SOX6: variants seen among roughly 807,000 people sequenced by gnomAD.
SOX6 encodes the protein SRY-box transcription factor 6.
SOX6 carries 11 observed loss-of-function variants against 97.8 expected under a neutral mutation model. The ratio of observed to expected loss-of-function variants is 0.11; its 90% CI spans 0.07 to 0.19. SOX6 has a LOEUF of 0.19. Ranked by LOEUF, SOX6 falls within the 10% of genes least tolerant of loss-of-function variation. SOX6 has a pLI of 1.00. For synonymous variants in SOX6, 360 were observed against 371.4 expected, an observed-to-expected ratio of 0.97 and a Z score of 0.35; for missense variants, 810 against 1,039.5, an observed-to-expected ratio of 0.78 and a Z score of 3.04.
At chr11:16,058,000 T>G (rs1349582078) in intron 9 of SOX6, among the ~76,000 whole-genome samples, 1 of 152,128 alleles carries the variant, frequency 6.6e-6, no homozygotes, top group Admixed American at 6.6e-5. Context: ...GTTCAGTCTT[T>G]TCGATCCAAA....
intron 4 of SOX6, among the ~76,000 whole-genome samples, chr11:16,518,690 T>C (rs551535542): frequency 8.5e-5 from 13 of 152,318 alleles, no homozygotes; most frequent in Non-Finnish European, 1.5e-4. Flanking sequence ...ATTCCCATGA[T>C]AGATCAAAGG....
chr11:16,520,919 C>A (rs767539798), intron 4 of SOX6, among the ~76,000 whole-genome samples: 1 of 152,198 alleles, frequency 6.6e-6, no homozygotes, highest in African/African-American at 2.4e-5. Context: ...GGCAGCGAGG[C>A]TGGGGGAGGG....
intron 1 of SOX6, among the ~76,000 whole-genome samples, chr11:16,389,334 A>C (rs1222559158): frequency 6.6e-6 from 1 of 152,118 alleles, no homozygotes; most frequent in Non-Finnish European, 1.5e-5. Flanking sequence ...CTCCTGCCTA[A>C]GCCTCCCAAA....
intron 3 of SOX6, among the ~76,000 whole-genome samples, chr11:16,289,524 G>A (rs1289950557): frequency 6.6e-6 from 1 of 151,952 alleles, no homozygotes; most frequent in African/African-American, 2.4e-5. Context: ...GACATTTTCT[G>A]TCTTCAACTT....
chr11:16,181,346 T>G (rs900085384), intron 6 of SOX6, among the ~76,000 whole-genome samples: 1 of 151,736 alleles, frequency 6.6e-6, no homozygotes, highest in Non-Finnish European at 1.5e-5. Context: ...AATCTTTAAT[T>G]CACCTTTAAT....
intron 2 of SOX6, among the ~76,000 whole-genome samples, chr11:16,734,419 A>G (rs1227491059): frequency 6.6e-6 from 1 of 152,212 alleles, no homozygotes; most frequent in African/African-American, 2.4e-5. Context: ...CTTTGCTTCA[A>G]TGACACTAAC....
chr11:16,124,851 G>A (rs1409288924), intron 6 of SOX6, among the ~76,000 whole-genome samples: 2 of 152,054 alleles, frequency 1.3e-5, no homozygotes, highest in Non-Finnish European at 2.9e-5. Flanking sequence ...GGGCAAGAAT[G>A]AACGCAGAGA....
intron 6 of SOX6, among the ~76,000 whole-genome samples, chr11:16,114,559 C>T (rs959585914): frequency 6.6e-6 from 1 of 152,080 alleles, no homozygotes; most frequent in Non-Finnish European, 1.5e-5. Context: ...ACTGATAAAA[C>T]AAGCAATAAA....
At chr11:16,462,913 A>T (rs1034725528) in intron 1 of SOX6, among the ~76,000 whole-genome samples, 2 of 152,190 alleles carry the variant, frequency 1.3e-5, no homozygotes, top group Non-Finnish European at 2.9e-5. Flanking sequence ...CCTAAAAATC[A>T]AGACCCTGGA....
At position 16,186,936 on chromosome 11, in the gene SOX6, T is replaced by G; in HGVS notation, c.555A>C (p.Ala185=). 1 of 1,613,874 alleles carries G rather than the reference T, an allele frequency of 6.2e-7. No homozygotes were observed. Among genetic ancestry groups the G allele is most frequent in the South Asian group, 1.1e-5 (1 of 91,084 alleles). ...GEIKGTPESL[A]EKERQLSTMI... is the part of the protein sequence containing the mutation. ...TGGTGGAGAGCTGCCGTTCTTTTTC[T>G]GCCAGGCTCTCAGGTGTACCTAAAA... Residue 185 remains alanine (A), a synonymous_variant, in exon 5 of 16, where the codon GCA becomes GCC. Transcript: ENST00000683767.
At chr11:16,532,296 T>C (rs4500455) in intron 4 of SOX6, among the ~76,000 whole-genome samples, 151,482 of 151,920 alleles carry the variant, frequency 1, 75,523 homozygotes, top group Middle Eastern at 1. Context: ...GCCTATTTAT[T>C]CTTACTCTTC....
intron 6 of SOX6, among the ~76,000 whole-genome samples, chr11:16,132,444 A>AGAAAG (rs1554934020): frequency 5.9e-4 from 16 of 27,214 alleles, no homozygotes; most frequent in East Asian, 1.5e-3. Flanking sequence ...AAAGAAAGAA[A>AGAAAG]AAAGAAAGAA....
chr11:16,450,120 C>T (rs1446826011), intron 1 of SOX6, among the ~76,000 whole-genome samples: 2 of 152,118 alleles, frequency 1.3e-5, no homozygotes, highest in African/African-American at 2.4e-5. Flanking sequence ...TACAAATAGA[C>T]CCCTGCGCAA....
At chr11:15,991,966 C>A (rs1854066732) in intron 13 of SOX6, among the ~76,000 whole-genome samples, 1 of 152,172 alleles carries the variant, frequency 6.6e-6, no homozygotes, top group Non-Finnish European at 1.5e-5. Context: ...CTGACCTCTA[C>A]CCTGCACTGA....
At chr11:16,504,611 T>C (rs1860757147) in intron 4 of SOX6, among the ~76,000 whole-genome samples, 1 of 152,080 alleles carries the variant, frequency 6.6e-6, no homozygotes. Flanking sequence ...AGACATCCCA[T>C]GCTCATGGAC....
intron 12 of SOX6, among the ~76,000 whole-genome samples, chr11:16,034,770 G>A (rs1187274608): frequency 6.6e-6 from 1 of 152,074 alleles, no homozygotes; most frequent in Admixed American, 6.6e-5. Flanking sequence ...AACTGACACA[G>A]ACAGACATAC....
chr11:16,315,441 A>T (rs1855731603), intron 3 of SOX6: 1 of 151,398 alleles, frequency 6.6e-6, no homozygotes, highest in East Asian at 1.9e-4. Flanking sequence ...AAAGTGCTGT[A>T]AAAAAAAAGA....
rs1018795410 is a variant in SOX6 at position 15,971,166 on chromosome 11, G to C, written c.*1643C>G. The C allele has an allele frequency of 6.6e-6, 1 of 152,660 alleles. No homozygotes were observed. Among genetic ancestry groups the C allele is most frequent in the African/African-American group, 2.4e-5 (1 of 41,452 alleles). 9.5% of individuals were successfully genotyped at this position (152,660 alleles called of 1,614,324 possible). ...TATCTGTTCCCCAGAGTTAACAGTAGGAACATCCCATATAGGGAATGTATT... is the reference window on the plus strand; with the variant it reads ...TATCTGTTCCCCAGAGTTAACAGTACGAACATCCCATATAGGGAATGTATT... On this transcript the variant is annotated 3_prime_UTR_variant, in exon 16 of 16. Transcript: ENST00000683767.
chr11:16,490,494 T>C (rs1024033204), intron 4 of SOX6, among the ~76,000 whole-genome samples: 1 of 152,084 alleles, frequency 6.6e-6, no homozygotes, highest in Non-Finnish European at 1.5e-5. Context: ...CACATAAGTT[T>C]AGAAAGTTCT....
Sources: gnomAD v4.1 joint callset for allele counts (sites outside exome capture counted in the v4.1 genomes callset) on GRCh38, gnomAD v4.1.1 for gene constraint, MANE v1.5 for transcripts, NCBI Gene and HGNC (gene_info 2026-07-23, HGNC 2026-07-21) for gene names.